The following CTNNA2 variants were observed in gnomAD, a reference collection of about 807,000 sequenced individuals.
CTNNA2 encodes catenin alpha-2.
In CTNNA2, 42 loss-of-function variants were observed where a neutral mutation model predicts 101.0. The ratio of observed to expected loss-of-function variants is 0.42; its 90% CI spans 0.32 to 0.54. CTNNA2 has a LOEUF of 0.54. CTNNA2 is among the 20% of genes least tolerant of loss of function. The pLI is 0.14. For missense variants in CTNNA2, 871 were observed against 1,223.1 expected (o/e 0.71, Z 4.29); for synonymous variants, 450 against 456.4 (o/e 0.99, Z 0.18).
chr2:80,021,398 T>C lies in CTNNA2; in HGVS notation c.1056+111601T>C, dbSNP rs925864535. 2.0e-5 allele frequency among the ~76,000 whole-genome samples: 3 copies of C among 152,216 alleles called. No individual in the cohort carries two copies. The East Asian group carries it at 5.8e-4, about 29-fold the overall frequency. ...GTGGGACTGGAATCATTTGTTCAATTATCCCTGACTGCATTACCTGCTGAT... is the reference window on the plus strand; with the variant it reads ...GTGGGACTGGAATCATTTGTTCAATCATCCCTGACTGCATTACCTGCTGAT... On this transcript the variant is annotated intron_variant, in intron 7 of 18. Coordinates refer to ENST00000402739, the MANE Select transcript of CTNNA2 (RefSeq NM_001282597.3).
rs7565727 is a variant in CTNNA2, at chr2:80,000,754, G to C, written c.1056+90957G>C. The stretch of plus-strand genomic sequence containing the variant: ...TTCTCTCTCTCTGTGCATGTCCTGA[G>C]TCAAGAGGGCTTTTGCTGTGCTGTG... On this transcript the variant is annotated intron_variant, in intron 7 of 18. Transcript: ENST00000402739. Among the ~76,000 whole-genome samples the C allele has an allele frequency of 3.8e-3, 578 of 152,348 alleles. 2 individuals are homozygous for C. The highest frequency in any genetic ancestry group is 0.013 in the African/African-American group (530 of 41,580).
intron 9 of CTNNA2, among the ~76,000 whole-genome samples, chr2:80,438,894 G>A (rs1303539618): frequency 6.6e-6 from 1 of 152,190 alleles, no homozygotes; most frequent in African/African-American, 2.4e-5. Context: ...TGAAGGATGA[G>A]TATTACATCG....
chr2:79,651,338 T>C (rs1397331406), intron 1 of CTNNA2, among the ~76,000 whole-genome samples: 4 of 152,138 alleles, frequency 2.6e-5, no homozygotes, highest in Admixed American at 2.0e-4. Flanking sequence ...GGTACACCAG[T>C]ATGCTGAGGA....
intron 3 of CTNNA2, among the ~76,000 whole-genome samples, chr2:79,342,444 A>G (rs1157487638): frequency 6.6e-6 from 1 of 152,112 alleles, no homozygotes; most frequent in Non-Finnish European, 1.5e-5. Flanking sequence ...CATTCTTCAT[A>G]TTTGCCTCTT....
rs115915001 is a variant in CTNNA2 at position 80,265,867 on chromosome 2, T to C, written c.1057-127344T>C. 3.9e-3 allele frequency among the ~76,000 whole-genome samples: 589 copies of C among 152,318 alleles called. 3 individuals carry two copies. Among genetic ancestry groups the C allele is most frequent in the African/African-American group, 0.013 (557 of 41,570 alleles). The stretch of plus-strand genomic sequence containing the variant: ...TGGGAACTTGGAAAACTAAAGATTC[T>C]TTTGTCCCAACATGGAACATCTGAT... On this transcript the variant is annotated intron_variant, in intron 7 of 18. Transcript: ENST00000402739.
At chr2:80,429,612 A>G (rs983228906) in intron 9 of CTNNA2, among the ~76,000 whole-genome samples, 25 of 152,216 alleles carry the variant, frequency 1.6e-4, no homozygotes, top group Admixed American at 7.9e-4. Flanking sequence ...ATTAAATTTC[A>G]TATCTCTGAA....
intron 7 of CTNNA2, among the ~76,000 whole-genome samples, chr2:79,948,092 C>T (rs1194534219): frequency 6.6e-6 from 1 of 152,184 alleles, no homozygotes; most frequent in African/African-American, 2.4e-5. Context: ...CAGCTCAATG[C>T]ATATGTGCTA....
chr2:79,894,489 A>T (rs1397821636), intron 6 of CTNNA2, among the ~76,000 whole-genome samples: 2 of 152,122 alleles, frequency 1.3e-5, no homozygotes, highest in Non-Finnish European at 2.9e-5. Context: ...GTCCCTGCAT[A>T]CATCTCCCAT....
At chr2:79,213,408 T>C (rs1243950368) in intron 2 of CTNNA2, among the ~76,000 whole-genome samples, 1 of 152,038 alleles carries the variant, frequency 6.6e-6, no homozygotes, top group Non-Finnish European at 1.5e-5. Flanking sequence ...ATATTTAGAG[T>C]CAGTATAAAT....
At chr2:79,474,662 T>C (rs1475182821) in intron 4 of CTNNA2, among the ~76,000 whole-genome samples, 1 of 152,214 alleles carries the variant, frequency 6.6e-6, no homozygotes, top group Non-Finnish European at 1.5e-5. Flanking sequence ...ATTAATGAAC[T>C]GTCTTTTTAA....
chr2:79,665,900 T>C (rs889678906), intron 2 of CTNNA2, among the ~76,000 whole-genome samples: 6 of 152,222 alleles, frequency 3.9e-5, no homozygotes, highest in African/African-American at 1.4e-4. Flanking sequence ...GTAGCTGTTA[T>C]TGTAAATGTA....
chr2:79,565,408 A>G (rs1346597809), intron 1 of CTNNA2, among the ~76,000 whole-genome samples: 3 of 151,256 alleles, frequency 2.0e-5, no homozygotes, highest in African/African-American at 7.3e-5. Context: ...CCCAGTGCAC[A>G]CTCCTCTCTC....
intron 7 of CTNNA2, among the ~76,000 whole-genome samples, chr2:80,097,104 A>G (rs1700203363): frequency 6.6e-6 from 1 of 152,110 alleles, no homozygotes; most frequent in Admixed American, 6.6e-5. Context: ...CCTAGCCTTG[A>G]TGGTCTTTAC....
chr2:80,576,402 C>CTTG (rs1695053892), intron 13 of CTNNA2: 1 of 137,454 alleles, frequency 7.3e-6, no homozygotes, highest in African/African-American at 2.7e-5. Context: ...CTTCCTGAGG[C>CTTG]TTGTCCATTG....
intron 7 of CTNNA2, among the ~76,000 whole-genome samples, chr2:80,131,890 G>A (rs1702435403): frequency 6.6e-6 from 1 of 152,108 alleles, no homozygotes; most frequent in Non-Finnish European, 1.5e-5. Flanking sequence ...AGACCAGCCT[G>A]GCTAACATGG....
intron 7 of CTNNA2, among the ~76,000 whole-genome samples, chr2:80,177,921 G>C (rs542135165): frequency 1.3e-5 from 2 of 152,182 alleles, no homozygotes; most frequent in East Asian, 3.9e-4. Context: ...AATGCTCAAA[G>C]TTCTGCCCAC....
At chr2:80,133,988 G>T (rs900450471) in intron 7 of CTNNA2, among the ~76,000 whole-genome samples, 1 of 152,106 alleles carries the variant, frequency 6.6e-6, no homozygotes, top group Non-Finnish European at 1.5e-5. Flanking sequence ...TCATGGTGAG[G>T]GTTAAATGAG....
At chr2:79,624,042 G>A (rs1253058563) in intron 1 of CTNNA2, among the ~76,000 whole-genome samples, 1 of 151,378 alleles carries the variant, frequency 6.6e-6, no homozygotes, top group Non-Finnish European at 1.5e-5. Context: ...CTTTCCCCTT[G>A]CCCACTTCTC....
At position 80,601,417 on chromosome 2, in the gene CTNNA2, C is replaced by CTTTTTTTTTTTTTTTT. The variant is rs375645223; in HGVS notation, c.2190-2654_2190-2653insTTTTTTTTTTTTTTTT. Reference sequence around the variant, plus strand: ...GATTTAATGACTTTTTTCTTTCTTTCTTTCTTTTTTTTTTTTTTTGATGAG... The same window carrying CTTTTTTTTTTTTTTTT: ...GATTTAATGACTTTTTTCTTTCTTTCTTTTTTTTTTTTTTTTTTTCTTTTTTTTTTTTTTTGATGAG... On this transcript the variant is annotated intron_variant, in intron 15 of 18. Coordinates refer to ENST00000402739, the MANE Select transcript of CTNNA2 (RefSeq NM_001282597.3). Among the ~76,000 whole-genome samples, 124 of 94,122 alleles carry CTTTTTTTTTTTTTTTT rather than the reference C, an allele frequency of 1.3e-3. 6 individuals carry two copies. Among genetic ancestry groups the CTTTTTTTTTTTTTTTT allele is most frequent in the African/African-American group, 1.9e-3 (48 of 25,738 alleles). 61.7% of individuals were successfully genotyped at this position (94,122 alleles called of 152,430 possible). A position where few individuals can be genotyped will look rare whatever the true frequency, so the allele number is the denominator to read the frequency against.
Sources: gnomAD v4.1 joint callset for allele counts (sites outside exome capture counted in the v4.1 genomes callset) on GRCh38, gnomAD v4.1.1 for gene constraint, MANE v1.5 for transcripts, NCBI Gene and HGNC (gene_info 2026-07-23, HGNC 2026-07-21) for gene names.